MECOM: variants seen among roughly 807,000 people sequenced by gnomAD.
MECOM encodes MDS1 and EVI1 complex locus.
Under a neutral mutation model 116.3 loss-of-function variants are expected in MECOM, and 13 were observed. The observed-to-expected ratio is 0.11, with a 90% confidence interval of 0.07 to 0.18. The LOEUF is 0.18. Ranked by LOEUF, MECOM falls within the 10% of genes least tolerant of loss-of-function variation. MECOM has a pLI of 1.00. For synonymous variants in MECOM, 528 were observed against 535.2 expected (o/e 0.99, Z 0.19); for missense variants, 1,299 against 1,509.0 (o/e 0.86, Z 2.31).
At chr3:169,480,196 G>A (rs1200728386) in intron 1 of MECOM, among the ~76,000 whole-genome samples, 1 of 152,176 alleles carries the variant, frequency 6.6e-6, no homozygotes, top group East Asian at 1.9e-4. Context: ...AGCTAGTGCT[G>A]TCTTCTTTTT....
intron 2 of MECOM, among the ~76,000 whole-genome samples, chr3:169,164,790 T>C (rs574381774): frequency 6.6e-6 from 1 of 152,248 alleles, no homozygotes; most frequent in South Asian, 2.1e-4. Flanking sequence ...TCATTTGGGG[T>C]TGTTAGTGGT....
intron 2 of MECOM, among the ~76,000 whole-genome samples, chr3:169,239,629 T>C (rs1260169296): frequency 6.6e-6 from 1 of 152,006 alleles, no homozygotes; most frequent in Admixed American, 6.6e-5. Context: ...TTGGGGGGTG[T>C]CCTAATAAAT....
chr3:169,287,865 C>T (rs1426999554), intron 2 of MECOM, among the ~76,000 whole-genome samples: 2 of 152,160 alleles, frequency 1.3e-5, no homozygotes, highest in Non-Finnish European at 2.9e-5. Context: ...ATTCCGCCCA[C>T]GTTGAATCCC....
chr3:169,590,964 A>G (rs1278386755), intron 1 of MECOM, among the ~76,000 whole-genome samples: 1 of 152,194 alleles, frequency 6.6e-6, no homozygotes, highest in African/African-American at 2.4e-5. Flanking sequence ...AGAACCTATT[A>G]GAGAAAGCAA....
chr3:169,518,116 G>A (rs931281759), intron 1 of MECOM, among the ~76,000 whole-genome samples: 10 of 152,054 alleles, frequency 6.6e-5, no homozygotes, highest in East Asian at 5.8e-4. Context: ...AAAATTGGAC[G>A]GGCGTGATGG....
At chr3:169,227,023 A>T (rs2149512181) in intron 2 of MECOM, among the ~76,000 whole-genome samples, 2 of 152,284 alleles carry the variant, frequency 1.3e-5, no homozygotes, top group East Asian at 3.9e-4. Context: ...ACCTTAGGCA[A>T]GTCATTGGCT....
chr3:169,378,834 T>C (rs1224677604), intron 2 of MECOM, among the ~76,000 whole-genome samples: 1 of 152,088 alleles, frequency 6.6e-6, no homozygotes, highest in Non-Finnish European at 1.5e-5. Context: ...TAGGGGAACA[T>C]TTAATGCAGA....
Position 169,127,727 on chromosome 3 carries a change from G to A in MECOM, c.830+117C>T, listed in dbSNP as rs1733349422. On this transcript the variant is annotated intron_variant, in intron 5 of 16. Transcript: ENST00000651503. The stretch of plus-strand genomic sequence containing the variant: ...AATATGATTTCTGAACATGTCACGA[G>A]TGCATTTGTCCAGCTCACTGGAGTT... 6.0e-5 allele frequency: 45 copies of A among 751,726 alleles called. 1 individual carries two copies. The South Asian group carries it at 7.3e-4, about 12-fold the overall frequency. 46.6% of individuals were successfully genotyped at this position (751,726 alleles called of 1,614,324 possible). A position where few individuals can be genotyped will look rare whatever the true frequency, so the allele number is the denominator to read the frequency against.
intron 1 of MECOM, among the ~76,000 whole-genome samples, chr3:169,392,863 C>T (rs1734440291): frequency 6.6e-6 from 1 of 152,140 alleles, no homozygotes; most frequent in Non-Finnish European, 1.5e-5. Context: ...TCACTAAGCT[C>T]TTCATAGTAA....
chr3:169,364,528 C>T (rs538268574), intron 2 of MECOM, among the ~76,000 whole-genome samples: 158 of 152,092 alleles, frequency 1.0e-3, no homozygotes, highest in African/African-American at 3.3e-3. Context: ...CAGCTTTTGA[C>T]GGCTGCATCT....
At chr3:169,180,529 C>T (rs1023241581) in intron 2 of MECOM, among the ~76,000 whole-genome samples, 44 of 152,138 alleles carry the variant, frequency 2.9e-4, no homozygotes, top group African/African-American at 9.9e-4. Context: ...GTCCTGTTAA[C>T]ATGGCCCTTT....
chr3:169,211,789 A>C (rs902976803), intron 2 of MECOM, among the ~76,000 whole-genome samples: 15 of 152,052 alleles, frequency 9.9e-5, no homozygotes, highest in African/African-American at 3.4e-4. Flanking sequence ...CTCAGTCTTG[A>C]CCTCACTAGA....
intron 1 of MECOM, among the ~76,000 whole-genome samples, chr3:169,523,493 T>C (rs1757597136): frequency 6.6e-6 from 1 of 152,054 alleles, no homozygotes; most frequent in Admixed American, 6.6e-5. Context: ...ATAGGCTTAA[T>C]TTGTGCTTTT....
intron 1 of MECOM, chr3:169,615,100 T>C (rs1353254849): frequency 6.6e-6 from 1 of 152,224 alleles, no homozygotes. Context: ...TACTAATACA[T>C]GTTTATAAAA....
intron 2 of MECOM, among the ~76,000 whole-genome samples, chr3:169,180,715 T>C (rs1745832264): frequency 6.7e-6 from 1 of 150,218 alleles, no homozygotes; most frequent in Admixed American, 6.7e-5. Context: ...CACTTTCTTA[T>C]TGTATATCTC....
intron 2 of MECOM, among the ~76,000 whole-genome samples, chr3:169,208,044 T>C (rs1241126133): frequency 6.6e-6 from 1 of 152,050 alleles, no homozygotes; most frequent in African/African-American, 2.4e-5. Context: ...ATTATTACTT[T>C]ACCTCTTTAC....
chr3:169,537,433 T>A (rs1759518241), intron 1 of MECOM, among the ~76,000 whole-genome samples: 1 of 152,200 alleles, frequency 6.6e-6, no homozygotes, highest in Non-Finnish European at 1.5e-5. Context: ...GTACACATCC[T>A]CTGATTATAC....
rs557276848 is a variant in MECOM at position 169,122,718 on chromosome 3, T to A, written c.840A>T (p.Lys280Asn). ...QVFPDLQSLE[K>N]HMLSHTEERE... ...TCTCTTCAGTATGTGACAGCATGTG[T>A]TTCTCCAGGCTGTTAAGAGAACAAT... Residue 280 changes from lysine (K) to asparagine (N), a missense_variant, in exon 6 of 17, where the codon AAA becomes AAT. Physicochemically the swap from Lys to Asn is moderately conservative, Grantham distance 94 (BLOSUM62 0). Transcript: ENST00000651503. The A allele has an allele frequency of 3.1e-4, 500 of 1,613,820 alleles. 3 individuals are homozygous for A. In the South Asian group the frequency reaches 5.3e-3, roughly 17 times the overall value.
intron 2 of MECOM, among the ~76,000 whole-genome samples, chr3:169,212,745 T>A (rs1319582700): frequency 6.8e-6 from 1 of 146,788 alleles, no homozygotes; most frequent in Non-Finnish European, 1.5e-5. Flanking sequence ...GTTCTAGCCC[T>A]CACCTAGCCT....
Sources: gnomAD v4.1 joint callset for allele counts (sites outside exome capture counted in the v4.1 genomes callset) on GRCh38, gnomAD v4.1.1 for gene constraint, MANE v1.5 for transcripts, NCBI Gene and HGNC (gene_info 2026-07-23, HGNC 2026-07-21) for gene names.